MIA2: variants seen among roughly 807,000 people sequenced by gnomAD.
MIA2 encodes MIA SH3 domain ER export factor 2, also known as melanoma inhibitory activity protein 2.
MIA2 carries 127 observed loss-of-function variants against 167.8 expected under a neutral mutation model. The observed-to-expected ratio is 0.76, with a 90% CI of 0.66 to 0.88. The LOEUF is 0.88. Among genes scored for constraint, MIA2 ranks in the 40% least tolerant of loss-of-function variants. MIA2 has a pLI of 0.00. For synonymous variants in MIA2, 552 were observed against 541.9 expected, an observed-to-expected ratio of 1.02 and a Z score of -0.26; for missense variants, 1,690 against 1,624.7, an observed-to-expected ratio of 1.04 and a Z score of -0.69.
chr14:39,368,990 T>G (rs1257960771), intron 23 of MIA2, among the ~76,000 whole-genome samples: 1 of 152,256 alleles, frequency 6.6e-6, no homozygotes, highest in Non-Finnish European at 1.5e-5. Flanking sequence ...CATTTGCTTC[T>G]CTTGGGTCTT....
Position 39,247,526 on chromosome 14 carries a change from T to C in MIA2, c.952T>C (p.Leu318=), listed in dbSNP as rs756576414. 2 of 1,613,992 alleles carry C rather than the reference T, an allele frequency of 1.2e-6. No homozygotes were observed. The highest frequency in any genetic ancestry group is 1.7e-5 in the Admixed American group (1 of 59,978). Residue 318 remains leucine, a synonymous_variant, in exon 4 of 29, where the codon TTA becomes CTA. Transcript: ENST00000640607. The stretch of plus-strand genomic sequence containing the variant: ...GTTTGGTGGAGGATTTACAAGTTAT[T>C]TAGGTTTTGGAGATGAGGATACAGG... ...GWFGGGFTSY[L]GFGDEDTGLE...
intron 15 of MIA2, 21 bp from the exon 16 acceptor site, chr14:39,303,457 T>G: frequency 1.9e-6 from 3 of 1,594,190 alleles, no homozygotes; most frequent in South Asian, 2.2e-5. Flanking sequence ...ATCATTGTTG[T>G]GCTTTTGATT....
chr14:39,373,269 A>C (rs1227615745), intron 23 of MIA2, among the ~76,000 whole-genome samples: 1 of 150,852 alleles, frequency 6.6e-6, no homozygotes, highest in Non-Finnish European at 1.5e-5. Context: ...GTAAATACAT[A>C]CTGGCTTTCT....
At chr14:39,336,165 T>C (rs111972497) in intron 25 of MIA2, among the ~76,000 whole-genome samples, 2,935 of 152,302 alleles carry the variant, frequency 0.019, 104 homozygotes, top group African/African-American at 0.067. Context: ...TTTAAGTTCT[T>C]TGAGAAATCT....
At chr14:39,374,896 G>C (rs949884370) in intron 23 of MIA2, among the ~76,000 whole-genome samples, 12 of 152,172 alleles carry the variant, frequency 7.9e-5, no homozygotes, top group Admixed American at 2.6e-4. Flanking sequence ...TCTCATTTTA[G>C]GTAAAACCTT....
intron 23 of MIA2, among the ~76,000 whole-genome samples, chr14:39,384,945 T>C (rs1218611436): frequency 6.6e-6 from 1 of 152,216 alleles, no homozygotes; most frequent in African/African-American, 2.4e-5. Flanking sequence ...AAGTATAAAA[T>C]ACTTGAAATT....
chr14:39,306,623 A>G (rs1422764793), intron 17 of MIA2, among the ~76,000 whole-genome samples: 2 of 152,188 alleles, frequency 1.3e-5, no homozygotes. Flanking sequence ...ACAAAGCCAA[A>G]CCATATCATG....
intron 4 of MIA2, among the ~76,000 whole-genome samples, chr14:39,250,023 A>G (rs1468438077): frequency 6.6e-6 from 1 of 152,142 alleles, no homozygotes; most frequent in Non-Finnish European, 1.5e-5. Context: ...TATGACTAAA[A>G]AGCTTAGAGA....
At chr14:39,279,381 A>G (rs1566694232) in intron 8 of MIA2, 23 bp downstream of exon 8, 2 of 1,606,920 alleles carry the variant, frequency 1.2e-6, no homozygotes, top group Admixed American at 3.4e-5. Flanking sequence ...TTCTGCTTTG[A>G]CTCTCATTGT....
intron 9 of MIA2, among the ~76,000 whole-genome samples, chr14:39,280,626 G>A (rs1311955108): frequency 2.6e-5 from 4 of 152,124 alleles, no homozygotes; most frequent in South Asian, 4.1e-4. Context: ...CCAGCTACTC[G>A]GGAGGCTGAG....
chr14:39,341,893 A>G (rs1318940898), intron 25 of MIA2, among the ~76,000 whole-genome samples: 1 of 152,202 alleles, frequency 6.6e-6, no homozygotes, highest in East Asian at 1.9e-4. Flanking sequence ...GTGTCAGACT[A>G]AATGCCTTTT....
At chr14:39,357,163 C>G (rs1379718491) in intron 23 of MIA2, among the ~76,000 whole-genome samples, 1 of 152,138 alleles carries the variant, frequency 6.6e-6, no homozygotes, top group Non-Finnish European at 1.5e-5. Context: ...GTTAAAGTCT[C>G]CCGTTATTAT....
At chr14:39,352,139 C>T (rs1168216269), downstream of MIA2, among the ~76,000 whole-genome samples, 1 of 150,970 alleles carries the variant, frequency 6.6e-6, no homozygotes, top group African/African-American at 2.4e-5. Flanking sequence ...TTTTTGTCTC[C>T]TCAAATTAAC....
At chr14:39,329,899 A>G (rs1027282222) in intron 25 of MIA2, among the ~76,000 whole-genome samples, 3 of 152,168 alleles carry the variant, frequency 2.0e-5, no homozygotes, top group African/African-American at 4.8e-5. Context: ...TTTTGCATCA[A>G]TGTTCATCAG....
At position 39,350,153 on chromosome 14, in the gene MIA2, A is replaced by G; in HGVS notation, c.4128A>G (p.Gly1376=). Residue 1376 remains glycine (G), a synonymous_variant, in exon 29 of 29, where the codon GGA becomes GGG. Transcript: ENST00000640607. The part of the protein sequence containing the change: ...GFPPYLPPRP[G]FFPPPPHSEG... ...CTCCTTACCTTCCCCCAAGACCTGG[A>G]TTTTTCCCCCCACCCCCACATTCTG... 3.7e-6 allele frequency: 5 copies of G among 1,344,480 alleles called. No individual in the cohort carries two copies. The highest frequency in any genetic ancestry group is 2.7e-5 in the East Asian group (1 of 37,084). 83.3% of individuals were successfully genotyped at this position (1,344,480 alleles called of 1,614,324 possible). A position where few individuals can be genotyped will look rare whatever the true frequency, so the allele number is the denominator to read the frequency against.
rs1436177690 is a variant in MIA2 at position 39,298,433 on chromosome 14, A to G, written c.2497-1431A>G. Among the ~76,000 whole-genome samples the G allele has an allele frequency of 5.0e-3, 94 of 18,676 alleles. 14 individuals carry two copies. The highest frequency in any genetic ancestry group is 0.012 in the East Asian group (5 of 404). The allele number at this position is 18,676 out of a possible 152,430, so 12.3% of individuals were successfully genotyped here. A position where few individuals can be genotyped will look rare whatever the true frequency, so the allele number is the denominator to read the frequency against. On this transcript the variant is annotated intron_variant, in intron 13 of 28. Transcript: ENST00000640607. ...CTGTTTTATATATATATATATATAT[A>G]TATATATATAAAGATTAGTTTTTCA... is the stretch of plus-strand genomic sequence containing the variant.
chr14:39,292,918 A>G (rs1396347240), intron 10 of MIA2, among the ~76,000 whole-genome samples: 4 of 152,238 alleles, frequency 2.6e-5, no homozygotes, highest in African/African-American at 4.8e-5. Flanking sequence ...GCTTTTAAGC[A>G]GAGGTTGGCA....
chr14:39,240,411 T>C (rs2053987099), intron 2 of MIA2, 150 bp from the exon 3 acceptor site: 2 of 513,254 alleles, frequency 3.9e-6, no homozygotes, highest in Non-Finnish European at 6.8e-6. Context: ...AAGAATATTA[T>C]TTCACTCTTT....
intron 23 of MIA2, among the ~76,000 whole-genome samples, chr14:39,371,766 A>C (rs560876943): frequency 5.3e-5 from 8 of 152,366 alleles, no homozygotes; most frequent in African/African-American, 1.9e-4. Flanking sequence ...AAGAGTTTCA[A>C]GGTTTCACAG....
Sources: gnomAD v4.1 joint callset for allele counts (sites outside exome capture counted in the v4.1 genomes callset) on GRCh38, gnomAD v4.1.1 for gene constraint, MANE v1.5 for transcripts, NCBI Gene and HGNC (gene_info 2026-07-23, HGNC 2026-07-21) for gene names.